Variants in HECW2 observed in about 807,000 individuals in gnomAD.
The protein encoded by HECW2 is HECT, C2 and WW domain containing E3 ubiquitin protein ligase 2.
Under a neutral mutation model 175.2 loss-of-function variants are expected in HECW2, and 61 were observed. The ratio of observed to expected loss-of-function variants is 0.35; its 90% CI spans 0.28 to 0.43. The LOEUF (loss-of-function observed/expected upper bound fraction) is 0.43, where lower values mean the gene tolerates loss of function less well. HECW2 is among the 20% of genes least tolerant of loss of function. The pLI is 1.00. For missense variants in HECW2, 1,524 were observed against 2,000.5 expected, an observed-to-expected ratio of 0.76 and a Z score of 4.54; for synonymous variants, 671 against 731.0, an observed-to-expected ratio of 0.92 and a Z score of 1.32.
At chr2:196,268,821 TTTTG>T (rs1426185816) in intron 17 of HECW2, among the ~76,000 whole-genome samples, 1 of 152,290 alleles carries the variant, frequency 6.6e-6, no homozygotes, top group African/African-American at 2.4e-5. Context: ...AGAGGAAGAA[TTTTG>T]TTTGTTTTGC....
chr2:196,268,463 A>C (rs1483161177), intron 17 of HECW2, among the ~76,000 whole-genome samples: 2 of 152,342 alleles, frequency 1.3e-5, no homozygotes, highest in African/African-American at 4.8e-5. Context: ...AGACTCTAAA[A>C]AGCAGAAAGA....
At position 196,292,774 on chromosome 2, in the gene HECW2, A is replaced by C. The variant is rs760291676; in HGVS notation, c.2815-24T>G. The C allele has an allele frequency of 3.8e-6, 6 of 1,587,286 alleles. No individual in the cohort carries two copies. In the Admixed American group the frequency reaches 1.0e-4, roughly 27 times the overall value. ...CTCTAAAGAAAAGAATGGAGAACCAATGTTAACCCACTTGTGACATGCAGA... is the reference window on the plus strand; with the variant it reads ...CTCTAAAGAAAAGAATGGAGAACCACTGTTAACCCACTTGTGACATGCAGA... On this transcript the variant is annotated intron_variant, in intron 13 of 28. Coordinates refer to ENST00000644978, the MANE Select transcript of HECW2 (RefSeq NM_001348768.2).
intron 2 of HECW2, among the ~76,000 whole-genome samples, chr2:196,421,757 A>G (rs114790832): frequency 0.011 from 1,677 of 152,274 alleles, 29 homozygotes; most frequent in African/African-American, 0.039. Context: ...TAAAAATACA[A>G]TAAGGGTAAT....
intron 1 of HECW2, among the ~76,000 whole-genome samples, chr2:196,551,925 T>C (rs1689613116): frequency 6.6e-6 from 1 of 152,214 alleles, no homozygotes; most frequent in African/African-American, 2.4e-5. Flanking sequence ...TACTTCTTCA[T>C]TTTATTTTCC....
intron 1 of HECW2, among the ~76,000 whole-genome samples, chr2:196,501,651 C>A (rs1191454502): frequency 1.3e-5 from 2 of 152,110 alleles, no homozygotes; most frequent in East Asian, 3.8e-4. Context: ...AGCACAGTTT[C>A]TCCTGCTTTA....
chr2:196,319,681 A>G lies in HECW2; in HGVS notation c.1209T>C (p.Ser403=). 1 of 1,614,232 alleles carries G rather than the reference A, an allele frequency of 6.2e-7. No homozygotes were observed. ...GTCCTCTGGGAGGTGAGGTCCTTGA[A>G]GACGTAGAGGTTAATTCCTCTGTGT... ...EIDTEELTST[S]SRTSPPRGRQ... is the part of the protein sequence containing the mutation. The change falls in exon 9 of 29, where the codon TCT becomes TCC. Residue 403 remains serine, a synonymous_variant. Transcript: ENST00000644978.
intron 17 of HECW2, among the ~76,000 whole-genome samples, chr2:196,266,046 G>C (rs1689499605): frequency 6.6e-6 from 1 of 151,938 alleles, no homozygotes; most frequent in Non-Finnish European, 1.5e-5. Context: ...ATTTTAATCA[G>C]GTGTCCAGGC....
At chr2:196,268,212 C>A (rs1689589641) in intron 17 of HECW2, among the ~76,000 whole-genome samples, 1 of 152,176 alleles carries the variant, frequency 6.6e-6, no homozygotes, top group Admixed American at 6.5e-5. Context: ...CAGTGTGACA[C>A]ACACTCTGGA....
chr2:196,372,881 G>A (rs1693946750), intron 2 of HECW2, among the ~76,000 whole-genome samples: 1 of 152,120 alleles, frequency 6.6e-6, no homozygotes, highest in Non-Finnish European at 1.5e-5. Flanking sequence ...GCCAAAAATG[G>A]ACACCTTTTT....
Position 196,282,761 on chromosome 2 carries a change from T to A in HECW2, c.3001-4099A>T, listed in dbSNP as rs549201704. ...TTTCTTATCAGACTCAAAGGCTCTG[T>A]TCTATCAGTCTTAAGGTCTCTGTGT... On this transcript the variant is annotated intron_variant, in intron 14 of 28. Transcript: ENST00000644978. 2.0e-5 allele frequency among the ~76,000 whole-genome samples: 3 copies of A among 152,256 alleles called. No individual in the cohort carries two copies. In the South Asian group the frequency reaches 6.2e-4, roughly 32 times the overall value.
At chr2:196,353,981 T>A (rs1232706667) in intron 2 of HECW2, among the ~76,000 whole-genome samples, 1 of 152,174 alleles carries the variant, frequency 6.6e-6, no homozygotes, top group African/African-American at 2.4e-5. Flanking sequence ...ATTGTCAGTA[T>A]GACCTCATTC....
intron 7 of HECW2, among the ~76,000 whole-genome samples, chr2:196,321,661 A>G (rs915395312): frequency 1.3e-5 from 2 of 152,130 alleles, no homozygotes; most frequent in African/African-American, 4.8e-5. Flanking sequence ...CGTCCGCTCA[A>G]AGTGCTGGGA....
chr2:196,519,935 GGTA>G (rs1037760487), intron 1 of HECW2, among the ~76,000 whole-genome samples: 4 of 152,140 alleles, frequency 2.6e-5, no homozygotes, highest in African/African-American at 9.7e-5. Flanking sequence ...CACTAGTGAT[GGTA>G]ATCATAGGTG....
intron 3 of HECW2, among the ~76,000 whole-genome samples, chr2:196,342,522 A>C (rs1019652572): frequency 7.1e-6 from 1 of 141,658 alleles, no homozygotes; most frequent in Non-Finnish European, 1.5e-5. Flanking sequence ...ACAAAAATGT[A>C]CTGAGTATTT....
At chr2:196,342,859 G>C (rs937736017) in intron 3 of HECW2, among the ~76,000 whole-genome samples, 16 of 152,000 alleles carry the variant, frequency 1.1e-4, no homozygotes, top group Middle Eastern at 6.8e-3. Context: ...GCGATATCTT[G>C]ACTTATTCTT....
At chr2:196,354,694 C>T (rs1039961625) in intron 2 of HECW2, among the ~76,000 whole-genome samples, 1 of 152,318 alleles carries the variant, frequency 6.6e-6, no homozygotes, top group Non-Finnish European at 1.5e-5. Flanking sequence ...ACAGGGACAA[C>T]ATTGCAAATT....
chr2:196,356,604 G>A (rs1032789299), intron 2 of HECW2, among the ~76,000 whole-genome samples: 7 of 152,060 alleles, frequency 4.6e-5, no homozygotes, highest in East Asian at 1.9e-4. Context: ...ATCTCATCAC[G>A]CAGGCATTTT....
chr2:196,298,504 T>C (rs1690903064), intron 13 of HECW2, among the ~76,000 whole-genome samples: 1 of 145,930 alleles, frequency 6.9e-6, no homozygotes, highest in Admixed American at 6.7e-5. Context: ...ACATTTATTA[T>C]TTTTTTCTTA....
rs563236498 is a variant in HECW2 at position 196,411,011 on chromosome 2, T to C, written c.292+22121A>G. On this transcript the variant is annotated intron_variant, in intron 2 of 28. Coordinates refer to ENST00000644978, the MANE Select transcript of HECW2 (RefSeq NM_001348768.2). Reference sequence around the variant, plus strand: ...GAGACAGGAGCTTTTTGTTTTGTTTTGTTTTGAGGCAGGGTCTCACTCTGT... The same window carrying C: ...GAGACAGGAGCTTTTTGTTTTGTTTCGTTTTGAGGCAGGGTCTCACTCTGT... Among the ~76,000 whole-genome samples the C allele has an allele frequency of 9.2e-5, 14 of 152,232 alleles. No individual in the cohort carries two copies. In the South Asian group the frequency reaches 2.9e-3, roughly 32 times the overall value.
Sources: allele counts gnomAD v4.1 joint callset (sites outside exome capture counted in the v4.1 genomes callset), GRCh38; gene constraint gnomAD v4.1.1; transcripts MANE v1.5; gene names NCBI Gene and HGNC (gene_info 2026-07-23, HGNC 2026-07-21).